NRXN1: variants seen among roughly 807,000 people sequenced by gnomAD.
NRXN1 encodes the protein neurexin-1.
NRXN1 carries 39 observed loss-of-function variants against 150.9 expected under a neutral mutation model. The ratio of observed to expected loss-of-function variants is 0.26; its 90% CI spans 0.20 to 0.34. The LOEUF is 0.34. Ranked by LOEUF, NRXN1 falls within the 10% of genes least tolerant of loss-of-function variation. The pLI is 1.00. For synonymous variants in NRXN1, 924 were observed against 757.0 expected, an observed-to-expected ratio of 1.22 and a Z score of -3.62; for missense variants, 1,815 against 1,949.9, an observed-to-expected ratio of 0.93 and a Z score of 1.30.
At chr2:50,519,144 T>C (rs1322554539) in intron 12 of NRXN1, among the ~76,000 whole-genome samples, 1 of 151,940 alleles carries the variant, frequency 6.6e-6, no homozygotes, top group Non-Finnish European at 1.5e-5. Context: ...ATGAAGGCTA[T>C]GGACAAACTG....
At chr2:50,572,764 C>T (rs1459996144) in intron 8 of NRXN1, among the ~76,000 whole-genome samples, 1 of 152,168 alleles carries the variant, frequency 6.6e-6, no homozygotes, top group South Asian at 2.1e-4. Context: ...GTTAATAAAA[C>T]TTACTTTATT....
At chr2:50,487,369 A>C (rs2090948033) in intron 15 of NRXN1, among the ~76,000 whole-genome samples, 1 of 152,184 alleles carries the variant, frequency 6.6e-6, no homozygotes, top group Admixed American at 6.5e-5. Flanking sequence ...AAGGCCAAAA[A>C]GGGGCCACTT....
intron 17 of NRXN1, among the ~76,000 whole-genome samples, chr2:50,373,721 G>GA (rs2080277891): frequency 6.8e-6 from 1 of 147,554 alleles, no homozygotes; most frequent in Non-Finnish European, 1.5e-5. Context: ...GAGAAAGAAA[G>GA]ACAGACAGAC....
intron 17 of NRXN1, among the ~76,000 whole-genome samples, chr2:50,264,217 T>C (rs1189268385): frequency 6.6e-6 from 1 of 152,010 alleles, no homozygotes; most frequent in African/African-American, 2.4e-5. Context: ...AGAAAAACAG[T>C]GAAACAGCTC....
chr2:50,987,596 G>A (rs1457442497), intron 2 of NRXN1, among the ~76,000 whole-genome samples: 1 of 151,904 alleles, frequency 6.6e-6, no homozygotes, highest in African/African-American at 2.4e-5. Flanking sequence ...CCTCAAATCA[G>A]CGCTTCATGA....
At chr2:50,016,535 A>G (rs890965527) in intron 21 of NRXN1, 5 of 152,300 alleles carry the variant, frequency 3.3e-5, no homozygotes, top group Admixed American at 2.0e-4. Context: ...GAAACTTACA[A>G]TCATCGTGGA....
chr2:49,953,933 T>C (rs1025297618), intron 21 of NRXN1, among the ~76,000 whole-genome samples: 3 of 151,978 alleles, frequency 2.0e-5, no homozygotes, highest in Non-Finnish European at 4.4e-5. Flanking sequence ...AGATGACAGG[T>C]TGATGGGTGC....
chr2:50,193,571 G>A (rs7585511), intron 18 of NRXN1, among the ~76,000 whole-genome samples: 1,645 of 152,124 alleles, frequency 0.011, 38 homozygotes, highest in African/African-American at 0.038. Flanking sequence ...TGTCACTACT[G>A]GCAGCATATA....
chr2:50,382,857 C>T (rs998329920), intron 17 of NRXN1, among the ~76,000 whole-genome samples: 1 of 152,164 alleles, frequency 6.6e-6, no homozygotes, highest in Non-Finnish European at 1.5e-5. Flanking sequence ...GCCCTGAAGA[C>T]CAGGCTAACT....
intron 10 of NRXN1, among the ~76,000 whole-genome samples, chr2:50,534,031 G>T (rs1294392008): frequency 6.6e-6 from 1 of 151,672 alleles, no homozygotes; most frequent in Non-Finnish European, 1.5e-5. Context: ...TGCTCTATCA[G>T]CAGCAAGTGC....
At chr2:50,003,640 T>C (rs993000870) in intron 21 of NRXN1, among the ~76,000 whole-genome samples, 2 of 152,184 alleles carry the variant, frequency 1.3e-5, no homozygotes, top group African/African-American at 4.8e-5. Context: ...GCCTTTTTGC[T>C]TCACATGTTT....
At chr2:50,222,523 T>G (rs922492311) in intron 18 of NRXN1, among the ~76,000 whole-genome samples, 2 of 151,974 alleles carry the variant, frequency 1.3e-5, no homozygotes, top group African/African-American at 4.8e-5. Flanking sequence ...TCGGCTTGTA[T>G]GAATTTGTAC....
At chr2:50,417,829 A>C (rs2083665873) in intron 17 of NRXN1, among the ~76,000 whole-genome samples, 1 of 151,978 alleles carries the variant, frequency 6.6e-6, no homozygotes, top group Non-Finnish European at 1.5e-5. Context: ...ACATCCAAGA[A>C]ACCGAAAAGT....
At chr2:50,798,449 A>G (rs370345942) in intron 5 of NRXN1, among the ~76,000 whole-genome samples, 12 of 152,206 alleles carry the variant, frequency 7.9e-5, no homozygotes, top group East Asian at 7.7e-4. Flanking sequence ...TGATAACTTT[A>G]TATGTGTATC....
At chr2:50,684,875 A>G (rs1029825078) in intron 5 of NRXN1, among the ~76,000 whole-genome samples, 1 of 152,196 alleles carries the variant, frequency 6.6e-6, no homozygotes, top group African/African-American at 2.4e-5. Context: ...TTGCTTACAT[A>G]TTACTAATAC....
At chr2:49,983,184 T>A (rs1052118680) in intron 21 of NRXN1, among the ~76,000 whole-genome samples, 7 of 152,150 alleles carry the variant, frequency 4.6e-5, no homozygotes, top group African/African-American at 1.4e-4. Context: ...TAGCTCTGTG[T>A]TTGTTATAGT....
At chr2:50,486,757 T>C (rs1415121251) in intron 15 of NRXN1, among the ~76,000 whole-genome samples, 3 of 152,092 alleles carry the variant, frequency 2.0e-5, no homozygotes, top group African/African-American at 4.8e-5. Flanking sequence ...TCTAATAAAC[T>C]TGAGATGGCA....
At chr2:50,473,774 C>T (rs2089735912) in intron 15 of NRXN1, among the ~76,000 whole-genome samples, 1 of 151,994 alleles carries the variant, frequency 6.6e-6, no homozygotes. Flanking sequence ...TAACAAATTC[C>T]TTGGTCTCCC....
At chr2:50,499,604 G>C (rs1456132830) in intron 13 of NRXN1, among the ~76,000 whole-genome samples, 1 of 151,936 alleles carries the variant, frequency 6.6e-6, no homozygotes, top group Non-Finnish European at 1.5e-5. Context: ...AAGCTCTAAA[G>C]ACACCAGCAA....
Sources: allele counts gnomAD v4.1 joint callset (sites outside exome capture counted in the v4.1 genomes callset), GRCh38; gene constraint gnomAD v4.1.1; transcripts MANE v1.5; gene names NCBI Gene and HGNC (gene_info 2026-07-23, HGNC 2026-07-21).